Variants in UNC5C observed in about 807,000 individuals in gnomAD.
UNC5C encodes the protein unc-5 netrin receptor C, also known as netrin receptor UNC5C.
A neutral mutation model predicts 99.8 loss-of-function variants in UNC5C; 47 were observed. The ratio of observed to expected loss-of-function variants is 0.47; its 90% CI spans 0.37 to 0.60. The LOEUF is 0.60. UNC5C is among the 20% of genes least tolerant of loss of function. The pLI is 0.00. For synonymous variants in UNC5C, 487 were observed against 452.2 expected, an observed-to-expected ratio of 1.08 and a Z score of -0.98; for missense variants, 1,062 against 1,165.9, an observed-to-expected ratio of 0.91 and a Z score of 1.30.
intron 4 of UNC5C, among the ~76,000 whole-genome samples, chr4:95,256,699 A>AT (rs1553958327): frequency 0.033 from 2,949 of 90,680 alleles, 149 homozygotes; most frequent in African/African-American, 0.084. Flanking sequence ...GAACTAAATA[A>AT]ATATATATAT....
chr4:95,193,286 G>T (rs560864445), intron 12 of UNC5C, among the ~76,000 whole-genome samples: 1 of 152,322 alleles, frequency 6.6e-6, no homozygotes, highest in African/African-American at 2.4e-5. Context: ...CAGCACAGAA[G>T]GCAGGAAGCG....
intron 3 of UNC5C, among the ~76,000 whole-genome samples, chr4:95,282,006 C>T (rs533605838): frequency 1.3e-4 from 20 of 152,222 alleles, no homozygotes; most frequent in Admixed American, 1.3e-3. Context: ...GGAAAAGTCA[C>T]CCCCAGTTGA....
intron 1 of UNC5C, among the ~76,000 whole-genome samples, chr4:95,480,905 C>T (rs993020442): frequency 1.1e-4 from 16 of 151,588 alleles, no homozygotes; most frequent in African/African-American, 3.6e-4. Flanking sequence ...CAATATCACA[C>T]TGAATGGGCA....
At chr4:95,281,315 T>C (rs1245579657) in intron 3 of UNC5C, among the ~76,000 whole-genome samples, 2 of 152,180 alleles carry the variant, frequency 1.3e-5, no homozygotes, top group East Asian at 3.9e-4. Flanking sequence ...TTTTATTAGG[T>C]ACTTAGGATG....
intron 1 of UNC5C, among the ~76,000 whole-genome samples, chr4:95,445,038 G>A (rs1223649276): frequency 6.6e-6 from 1 of 152,020 alleles, no homozygotes; most frequent in Non-Finnish European, 1.5e-5. Flanking sequence ...ATTTCAGAAG[G>A]GAAGGAGAGC....
intron 1 of UNC5C, 90 bp downstream of exon 1, chr4:95,548,644 G>A: frequency 1.4e-6 from 2 of 1,454,884 alleles, no homozygotes; most frequent in East Asian, 2.5e-5. Context: ...GAGGCAAATT[G>A]AGGAAGTCAA....
chr4:95,437,460 G>A (rs1002550787), intron 1 of UNC5C, among the ~76,000 whole-genome samples: 1 of 151,766 alleles, frequency 6.6e-6, no homozygotes, highest in African/African-American at 2.4e-5. Context: ...TATTTCTGTG[G>A]CATATTGTAA....
At chr4:95,356,242 CT>C (rs1560801922) in intron 1 of UNC5C, among the ~76,000 whole-genome samples, 1 of 141,292 alleles carries the variant, frequency 7.1e-6, no homozygotes, top group Non-Finnish European at 1.5e-5. Context: ...ATTCCTCGTT[CT>C]TCCTCATTCT....
At chr4:95,535,151 C>T (rs1722741724) in intron 1 of UNC5C, among the ~76,000 whole-genome samples, 1 of 151,970 alleles carries the variant, frequency 6.6e-6, no homozygotes, top group Non-Finnish European at 1.5e-5. Flanking sequence ...AAGAAATCAC[C>T]TAAACTTGCT....
intron 1 of UNC5C, among the ~76,000 whole-genome samples, chr4:95,356,214 AAAAC>A (rs1293892142): frequency 0.018 from 998 of 54,208 alleles, 40 homozygotes; most frequent in African/African-American, 0.078. Context: ...AAAAAAAAAC[AAAAC>A]AAAAAAAAAA....
chr4:95,211,494 C>G (rs1352796543), intron 10 of UNC5C, among the ~76,000 whole-genome samples: 1 of 152,166 alleles, frequency 6.6e-6, no homozygotes, highest in East Asian at 1.9e-4. Context: ...TGCTGTTTTT[C>G]TTTAAGGATG....
At chr4:95,359,496 AAAG>A (rs1042847019) in intron 1 of UNC5C, among the ~76,000 whole-genome samples, 3 of 152,054 alleles carry the variant, frequency 2.0e-5, no homozygotes, top group Non-Finnish European at 4.4e-5. Context: ...TAAAAAAAAA[AAAG>A]GTGAGAGAAG....
At chr4:95,252,614 G>A (rs1739788041) in intron 4 of UNC5C, among the ~76,000 whole-genome samples, 1 of 152,128 alleles carries the variant, frequency 6.6e-6, no homozygotes, top group South Asian at 2.1e-4. Flanking sequence ...CCTTGAGACT[G>A]GACCTGAATT....
chr4:95,417,351 C>T lies in UNC5C; in HGVS notation c.125-81720G>A, dbSNP rs17023792. ...CATTTGTTTTAAATATGTCTCCACACGCACAGAGCTCTTTGACCTATATTG... is the reference window on the plus strand; with the variant it reads ...CATTTGTTTTAAATATGTCTCCACATGCACAGAGCTCTTTGACCTATATTG... On this transcript the variant is annotated intron_variant, in intron 1 of 15. Transcript: ENST00000453304. Among the ~76,000 whole-genome samples, 1,494 of 152,242 alleles carry T rather than the reference C, an allele frequency of 9.8e-3. 27 individuals are homozygous for T. The highest frequency in any genetic ancestry group is 0.033 in the African/African-American group (1,368 of 41,528).
chr4:95,353,351 A>G (rs1418035578), intron 1 of UNC5C, among the ~76,000 whole-genome samples: 1 of 152,068 alleles, frequency 6.6e-6, no homozygotes, highest in Non-Finnish European at 1.5e-5. Context: ...TAGATTATAT[A>G]TTATAAATTA....
In UNC5C at chr4:95,250,723, T is replaced by G. The variant is rs989444431; in HGVS notation, c.595-56A>C. On this transcript the variant is annotated intron_variant, in intron 4 of 15. Transcript: ENST00000453304. ...CTCAGCATGGATCCCCTGATGGCTGTCTGTCCTAACCTGCATTTTGTACAC... is the reference window on the plus strand; with the variant it reads ...CTCAGCATGGATCCCCTGATGGCTGGCTGTCCTAACCTGCATTTTGTACAC... The G allele has an allele frequency of 1.6e-5, 25 of 1,561,240 alleles. No homozygotes were observed. The Middle Eastern group carries it at 1.2e-3, about 72-fold the overall frequency.
At position 95,184,449 on chromosome 4, in the gene UNC5C, G is replaced by A. The variant is rs149635529; in HGVS notation, c.2286+598C>T. 6.5e-3 allele frequency among the ~76,000 whole-genome samples: 990 copies of A among 152,254 alleles called. 13 individuals carry two copies. The highest frequency in any genetic ancestry group is 0.022 in the African/African-American group (931 of 41,536). Reference sequence around the variant, plus strand: ...GATGGCATATGAGGCTTGCAATCCCGCCAAAGTGGTTTTCTCAAGAGCTCA... The same window carrying A: ...GATGGCATATGAGGCTTGCAATCCCACCAAAGTGGTTTTCTCAAGAGCTCA... On this transcript the variant is annotated intron_variant, in intron 13 of 15. Coordinates refer to ENST00000453304, the MANE Select transcript of UNC5C (RefSeq NM_003728.4).
chr4:95,213,269 G>A (rs1738136514), intron 10 of UNC5C, among the ~76,000 whole-genome samples: 2 of 152,154 alleles, frequency 1.3e-5, no homozygotes, highest in Admixed American at 1.3e-4. Flanking sequence ...AATCAATAAA[G>A]AACAAAATTT....
rs990927910 is a variant in UNC5C, at chr4:95,548,953, G to T, written c.-96C>A. ...GGCAGAAGCTGAATCCGTGCACCGC[G>T]AAGCAGTCCGAAGAAATAACGACAA... On this transcript the variant is annotated 5_prime_UTR_variant, in exon 1 of 16. Transcript: ENST00000453304. The T allele has an allele frequency of 2.0e-6, 3 of 1,473,740 alleles. No individual in the cohort carries two copies. In the Admixed American group the frequency reaches 5.6e-5, roughly 28 times the overall value. The allele number at this position is 1,473,740 out of a possible 1,614,324, so 91.3% of individuals were successfully genotyped here. A position where few individuals can be genotyped will look rare whatever the true frequency, so the allele number is the denominator to read the frequency against.
Sources: allele counts gnomAD v4.1 joint callset (sites outside exome capture counted in the v4.1 genomes callset), GRCh38; gene constraint gnomAD v4.1.1; transcripts MANE v1.5; gene names NCBI Gene and HGNC (gene_info 2026-07-23, HGNC 2026-07-21).